Variants in RCBTB2 observed in about 807,000 individuals in gnomAD.
RCBTB2 encodes the protein RCC1 and BTB domain-containing protein 2.
A neutral mutation model predicts 65.4 loss-of-function variants in RCBTB2; 55 were observed. The ratio of observed to expected loss-of-function variants is 0.84; its 90% confidence interval spans 0.68 to 1.05. The LOEUF is 1.05. Among genes scored for constraint, RCBTB2 ranks in the 50% least tolerant of loss-of-function variants. RCBTB2 has a pLI of 0.00. For synonymous variants in RCBTB2, 220 were observed against 255.2 expected (o/e 0.86, Z 1.31); for missense variants, 599 against 680.1 (o/e 0.88, Z 1.33).
At position 48,496,398 on chromosome 13, in the gene RCBTB2, G is replaced by A. The variant is rs1466324493; in HGVS notation, c.1385-77C>T. On this transcript the variant is annotated intron_variant, in intron 13 of 14. Transcript: ENST00000344532. ...ACAGTTGCTCACTCAGCCACTCAGAGATGATTTTGACACTATTTTAGATAT... is the reference window on the plus strand; with the variant it reads ...ACAGTTGCTCACTCAGCCACTCAGAAATGATTTTGACACTATTTTAGATAT... 3.6e-6 allele frequency: 5 copies of A among 1,382,212 alleles called. No homozygotes were observed. The South Asian group carries it at 6.1e-5, about 17-fold the overall frequency. 85.6% of individuals were successfully genotyped at this position (1,382,212 alleles called of 1,614,324 possible). A position where few individuals can be genotyped will look rare whatever the true frequency, so the allele number is the denominator to read the frequency against.
At chr13:48,535,510 C>T (rs992106960), upstream of RCBTB2, among the ~76,000 whole-genome samples, 3 of 152,184 alleles carry the variant, frequency 2.0e-5, no homozygotes, top group Non-Finnish European at 4.4e-5. Context: ...TCCACCTCAG[C>T]CTCCTAAAGT....
At chr13:48,518,053 C>G (rs1479635706) in intron 4 of RCBTB2, among the ~76,000 whole-genome samples, 2 of 152,206 alleles carry the variant, frequency 1.3e-5, no homozygotes, top group Admixed American at 1.3e-4. Flanking sequence ...TGGGGGCCAC[C>G]ACCAGAAGCT....
intron 10 of RCBTB2, among the ~76,000 whole-genome samples, chr13:48,506,984 T>C (rs1433685318): frequency 6.6e-6 from 1 of 152,220 alleles, no homozygotes; most frequent in Non-Finnish European, 1.5e-5. Flanking sequence ...AGATGTTTGT[T>C]CTTTGTTATT....
chr13:48,498,489 G>T (rs1950076052), intron 13 of RCBTB2, among the ~76,000 whole-genome samples: 1 of 152,138 alleles, frequency 6.6e-6, no homozygotes, highest in African/African-American at 2.4e-5. Flanking sequence ...CCAGCACTTT[G>T]GGAGGCCAAG....
intron 4 of RCBTB2, among the ~76,000 whole-genome samples, chr13:48,519,309 G>A (rs1158666974): frequency 6.6e-6 from 1 of 152,128 alleles, no homozygotes; most frequent in Non-Finnish European, 1.5e-5. Context: ...CAGCACACAT[G>A]GAAAGATACA....
intron 10 of RCBTB2, among the ~76,000 whole-genome samples, chr13:48,505,865 A>G (rs1950476556): frequency 6.6e-6 from 1 of 152,150 alleles, no homozygotes; most frequent in Non-Finnish European, 1.5e-5. Flanking sequence ...AGAACCGAAA[A>G]AGGCTTCCTT....
At chr13:48,505,136 T>A (rs1014884649) in intron 10 of RCBTB2, among the ~76,000 whole-genome samples, 4 of 150,344 alleles carry the variant, frequency 2.7e-5, no homozygotes, top group Non-Finnish European at 5.9e-5. Context: ...GCTGCGTGAC[T>A]AGCACTAGGC....
chr13:48,497,593 G>A (rs1028705925), intron 13 of RCBTB2, among the ~76,000 whole-genome samples: 1 of 152,026 alleles, frequency 6.6e-6, no homozygotes, highest in African/African-American at 2.4e-5. Flanking sequence ...AGCTGAATCC[G>A]GCTACTAGAA....
intron 1 of RCBTB2, among the ~76,000 whole-genome samples, chr13:48,527,396 T>TATGATATATATATATATGATATA (rs71076027): frequency 7.3e-6 from 1 of 137,876 alleles, no homozygotes; most frequent in African/African-American, 3.1e-5. Flanking sequence ...TATATTTATA[T>TATGATATATATATATATGATATA]TAAAAGGTGC....
In RCBTB2 at chr13:48,516,497, T is replaced by C. The variant is rs74713432; in HGVS notation, c.43-756A>G. Among the ~76,000 whole-genome samples the C allele has an allele frequency of 2.2e-3, 334 of 152,348 alleles. 1 individual carries two copies. Among genetic ancestry groups the C allele is most frequent in the African/African-American group, 7.5e-3 (312 of 41,588 alleles). ...CAGGCTGTGCTTCTCAGCTTGTGGA[T>C]GGCTGTCTTCTCCCTATGTCTGTTC... On this transcript the variant is annotated intron_variant, in intron 4 of 14. Coordinates refer to ENST00000344532, the MANE Select transcript of RCBTB2 (RefSeq NM_001268.4).
chr13:48,511,858 T>C lies in RCBTB2; in HGVS notation c.695A>G (p.Asn232Ser), dbSNP rs763755378. 2 of 1,614,052 alleles carry C rather than the reference T, an allele frequency of 1.2e-6. No homozygotes were observed. The highest frequency in any genetic ancestry group is 1.7e-6 in the Non-Finnish European group (2 of 1,180,038). ...DTGEVYVWGY[N>S]GNGQLGLGNS... is the part of the protein sequence containing the mutation. Reference sequence around the variant, plus strand: ...GCCGAGTCCAAGCTGCCCGTTTCCGTTGTAACCCCAGACATAGACCTGAGA... The same window carrying C: ...GCCGAGTCCAAGCTGCCCGTTTCCGCTGTAACCCCAGACATAGACCTGAGA... The change falls in exon 9 of 15, where the codon AAC becomes AGC. Residue 232 changes from asparagine to serine, a missense_variant. Coordinates refer to ENST00000344532, the MANE Select transcript of RCBTB2 (RefSeq NM_001268.4).
At chr13:48,500,208 G>A (rs1950170808) in intron 12 of RCBTB2, among the ~76,000 whole-genome samples, 1 of 152,206 alleles carries the variant, frequency 6.6e-6, no homozygotes, top group Non-Finnish European at 1.5e-5. Flanking sequence ...AGGTAATCAA[G>A]TTATAAGAAG....
In RCBTB2 at chr13:48,499,738, A is replaced by G; in HGVS notation, c.1267T>C (p.Leu423=). The change falls in exon 13 of 15, where the codon TTG becomes CTG. Residue 423 remains leucine (L), a synonymous_variant. Coordinates refer to ENST00000344532, the MANE Select transcript of RCBTB2 (RefSeq NM_001268.4). Reference sequence around the variant, plus strand: ...ACAATATCATCCTCGTTATCTTCCAATGACGAACGAAAATGCTCACATCTG... The same window carrying G: ...ACAATATCATCCTCGTTATCTTCCAGTGACGAACGAAAATGCTCACATCTG... The part of the protein sequence containing the change: ...KIRCEHFRSS[L]EDNEDDIVEM... The G allele has an allele frequency of 1.2e-6, 2 of 1,614,234 alleles. No homozygotes were observed. Among genetic ancestry groups the G allele is most frequent in the East Asian group, 4.5e-5 (2 of 44,886 alleles).
intron 1 of RCBTB2, among the ~76,000 whole-genome samples, chr13:48,530,171 G>A (rs1952030236): frequency 6.6e-6 from 1 of 152,020 alleles, no homozygotes; most frequent in African/African-American, 2.4e-5. Context: ...CAAAGCGCTG[G>A]GATTACAGGT....
At chr13:48,515,096 A>G (rs1168127379) in intron 6 of RCBTB2, 109 bp downstream of exon 6, 8 of 1,040,360 alleles carry the variant, frequency 7.7e-6, no homozygotes, top group Non-Finnish European at 1.1e-5. Context: ...ATGGTATCCA[A>G]AACATAGTCA....
In RCBTB2 at chr13:48,527,337, G is replaced by GATATAT. The variant is rs1174299074; in HGVS notation, c.-218-2586_-218-2581dup. 2.9e-3 allele frequency among the ~76,000 whole-genome samples: 321 copies of GATATAT among 112,030 alleles called. 9 individuals carry two copies. Among genetic ancestry groups the GATATAT allele is most frequent in the African/African-American group, 0.016 (242 of 15,340 alleles). The allele number at this position is 112,030 out of a possible 152,430, so 73.5% of individuals were successfully genotyped here. On this transcript the variant is annotated intron_variant, in intron 1 of 14. Coordinates refer to ENST00000344532, the MANE Select transcript of RCBTB2 (RefSeq NM_001268.4). ...ACTTGGCTCATATATATATATATAT[G>GATATAT]ATATATATATATATGATATATATTT...
chr13:48,493,259 A>ACC (rs1555297731), intron 14 of RCBTB2, among the ~76,000 whole-genome samples: 1 of 121,752 alleles, frequency 8.2e-6, no homozygotes, highest in East Asian at 2.4e-4. Context: ...ACACACACAC[A>ACC]CTCTTCTCTC....
upstream of RCBTB2, among the ~76,000 whole-genome samples, chr13:48,534,518 C>G (rs1325746112): frequency 6.6e-6 from 1 of 152,202 alleles, no homozygotes; most frequent in Non-Finnish European, 1.5e-5. Flanking sequence ...GCATTATGGA[C>G]AGCTGAAGTT....
intron 14 of RCBTB2, among the ~76,000 whole-genome samples, chr13:48,493,225 TCACACACA>T (rs3085589): frequency 8.2e-5 from 9 of 109,126 alleles, no homozygotes; most frequent in African/African-American, 3.9e-4. Flanking sequence ...GTACCCTCCT[TCACACACA>T]CACACACACA....
Sources: allele counts gnomAD v4.1 joint callset (sites outside exome capture counted in the v4.1 genomes callset), GRCh38; gene constraint gnomAD v4.1.1; transcripts MANE v1.5; gene names NCBI Gene and HGNC (gene_info 2026-07-23, HGNC 2026-07-21).